Variants in CRIM1 observed in about 807,000 individuals in gnomAD.
CRIM1 encodes the protein cysteine rich transmembrane BMP regulator 1.
A neutral mutation model predicts 116.4 loss-of-function variants in CRIM1; 32 were observed. That is an observed-to-expected ratio of 0.27 (90% CI 0.21 to 0.37). The LOEUF (loss-of-function observed/expected upper bound fraction) is 0.37, where lower values mean the gene tolerates loss of function less well. CRIM1 is among the 10% of genes least tolerant of loss of function. The probability of loss-of-function intolerance (pLI) is 1.00; values close to 1 mark genes in which losing one functional copy is unlikely to be tolerated. For missense variants in CRIM1, 1,331 were observed against 1,354.8 expected, an observed-to-expected ratio of 0.98 and a Z score of 0.28; for synonymous variants, 590 against 509.2, an observed-to-expected ratio of 1.16 and a Z score of -2.13.
intron 2 of CRIM1, among the ~76,000 whole-genome samples, chr2:36,407,523 A>G (rs1431417461): frequency 6.6e-6 from 1 of 152,180 alleles, no homozygotes; most frequent in Non-Finnish European, 1.5e-5. Context: ...GGAAAATAAA[A>G]GGGTTACCAA....
chr2:36,526,879 A>T (rs1665795220), intron 13 of CRIM1, among the ~76,000 whole-genome samples: 1 of 152,234 alleles, frequency 6.6e-6, no homozygotes, highest in Non-Finnish European at 1.5e-5. Context: ...TTGGAAGTCA[A>T]GATGCTCAGG....
chr2:36,372,030 A>T (rs756433157), intron 1 of CRIM1, among the ~76,000 whole-genome samples: 11 of 152,342 alleles, frequency 7.2e-5, no homozygotes, highest in Admixed American at 2.0e-4. Context: ...TTTAAGAAAC[A>T]TGTACTGAAT....
chr2:36,483,998 T>C (rs11886869), intron 7 of CRIM1, among the ~76,000 whole-genome samples: 42,745 of 152,102 alleles, frequency 0.28, 6,279 homozygotes, highest in South Asian at 0.39. Flanking sequence ...GAGGTGGGCC[T>C]ACATGTCTAC....
intron 13 of CRIM1, among the ~76,000 whole-genome samples, chr2:36,525,874 AGTG>A (rs567930852): frequency 1.3e-3 from 205 of 152,322 alleles, no homozygotes; most frequent in African/African-American, 4.6e-3. Context: ...AAAAATGAAA[AGTG>A]GTGATTCTAC....
chr2:36,476,694 T>C (rs1465570208), intron 5 of CRIM1, among the ~76,000 whole-genome samples, 195 bp from the exon 6 acceptor site: 1 of 152,236 alleles, frequency 6.6e-6, no homozygotes, highest in Non-Finnish European at 1.5e-5. Flanking sequence ...GTAAACTGGA[T>C]AACAGTGTGT....
intron 11 of CRIM1, among the ~76,000 whole-genome samples, chr2:36,514,834 GCT>G (rs1331442449): frequency 2.0e-5 from 3 of 152,186 alleles, no homozygotes; most frequent in African/African-American, 7.2e-5. Context: ...GTCCCTTTCA[GCT>G]CTGAGATTCT....
chr2:36,467,429 T>C (rs1572803022), intron 5 of CRIM1, among the ~76,000 whole-genome samples: 1 of 152,230 alleles, frequency 6.6e-6, no homozygotes, highest in African/African-American at 2.4e-5. Context: ...TGTATGTATA[T>C]ATAAATATAC....
intron 7 of CRIM1, among the ~76,000 whole-genome samples, chr2:36,481,770 T>A (rs1679436390): frequency 6.6e-6 from 1 of 152,078 alleles, no homozygotes; most frequent in South Asian, 2.1e-4. Flanking sequence ...TCAACGGAAG[T>A]TTGTCAGATT....
intron 12 of CRIM1, 119 bp downstream of exon 12, chr2:36,517,661 T>A: frequency 2.1e-6 from 2 of 941,276 alleles, no homozygotes; most frequent in Non-Finnish European, 3.1e-6. Flanking sequence ...AAACCCAGTA[T>A]CCCATCAGGA....
At chr2:36,463,216 C>A (rs1049546380) in intron 4 of CRIM1, among the ~76,000 whole-genome samples, 3 of 152,158 alleles carry the variant, frequency 2.0e-5, no homozygotes, top group Admixed American at 6.5e-5. Context: ...AAAGTAATTT[C>A]TTTTCTAGTT....
chr2:36,518,396 T>G lies in CRIM1; in HGVS notation c.2206+854T>G, dbSNP rs575052943. 3.9e-4 allele frequency among the ~76,000 whole-genome samples: 60 copies of G among 152,348 alleles called. No individual in the cohort carries two copies. In the South Asian group the frequency reaches 0.012, roughly 31 times the overall value. On this transcript the variant is annotated intron_variant, in intron 12 of 16. Coordinates refer to ENST00000280527, the MANE Select transcript of CRIM1 (RefSeq NM_016441.3). ...TAGAGCATTTCTGCTCAGCAAAACA[T>G]AAACCCTTGTATTTTATTACTTCTT... is the stretch of plus-strand genomic sequence containing the variant.
chr2:36,394,808 CAA>C (rs996269873), intron 1 of CRIM1, among the ~76,000 whole-genome samples: 3 of 152,000 alleles, frequency 2.0e-5, no homozygotes, highest in East Asian at 1.9e-4. Context: ...AAATCTAAAA[CAA>C]GAGATTTTCT....
intron 7 of CRIM1, among the ~76,000 whole-genome samples, chr2:36,496,004 A>G (rs1176721133): frequency 2.6e-5 from 4 of 152,200 alleles, no homozygotes; most frequent in Admixed American, 6.5e-5. Flanking sequence ...GAATGACGAA[A>G]GGCAGTACAC....
chr2:36,533,329 C>G (rs6721081), intron 13 of CRIM1, among the ~76,000 whole-genome samples: 44,511 of 150,128 alleles, frequency 0.3, 7,013 homozygotes, highest in Middle Eastern at 0.45. Context: ...TGGCTCATGC[C>G]TATAATTCCA....
chr2:36,434,717 CTTG>C (rs1675162955), intron 2 of CRIM1, among the ~76,000 whole-genome samples: 1 of 152,134 alleles, frequency 6.6e-6, no homozygotes, highest in African/African-American at 2.4e-5. Flanking sequence ...AAACATTTTT[CTTG>C]TTGAGTCTTT....
At position 36,548,707 on chromosome 2, in the gene CRIM1, G is replaced by A. The variant is rs779025765; in HGVS notation, c.*6G>A. 3.2e-6 allele frequency: 5 copies of A among 1,573,494 alleles called. No homozygotes were observed. The highest frequency in any genetic ancestry group is 8.6e-7 in the Non-Finnish European group (1 of 1,165,664). On this transcript the variant is annotated 3_prime_UTR_variant, in exon 17 of 17. Transcript: ENST00000280527. ...ATTTCTACCAAACAGTGTGAAGAAA[G>A]GCAACTAGGATGAGGTTTCAAAAGA...
At position 36,356,652 on chromosome 2, in the gene CRIM1, C is replaced by T. The variant is rs761370373; in HGVS notation, c.331+29C>T. ...CGGCCGCCCGCTGCGGGCCCCCTCC[C>T]ACCTGGCCTGCGCCGCCCCCTCGGC... On this transcript the variant is annotated intron_variant, in intron 1 of 16. Transcript: ENST00000280527. This position sits in a 1 kb window ranked among gnomAD's most constrained non-coding sequence, Gnocchi z 4.3. 32 of 1,587,156 alleles carry T rather than the reference C, an allele frequency of 2.0e-5. No individual in the cohort carries two copies. In the Admixed American group the frequency reaches 3.1e-4, roughly 15 times the overall value.
chr2:36,470,725 C>T (rs1487544473), intron 5 of CRIM1, among the ~76,000 whole-genome samples: 1 of 152,198 alleles, frequency 6.6e-6, no homozygotes, highest in East Asian at 1.9e-4. Flanking sequence ...TCGTGCCTAA[C>T]ACAACATCCA....
intron 1 of CRIM1, among the ~76,000 whole-genome samples, chr2:36,373,175 C>T (rs890995650): frequency 1.3e-5 from 2 of 152,034 alleles, no homozygotes; most frequent in Admixed American, 6.6e-5. Flanking sequence ...ACAGTTAAAT[C>T]GAGGGTGTGG....
Sources: allele counts gnomAD v4.1 joint callset (sites outside exome capture counted in the v4.1 genomes callset), GRCh38; gene constraint gnomAD v4.1.1; non-coding constraint Gnocchi (gnomAD v3.1); transcripts MANE v1.5; gene names NCBI Gene and HGNC (gene_info 2026-07-23, HGNC 2026-07-21).